ABHD14A: variants seen among roughly 807,000 people sequenced by gnomAD.
ABHD14A encodes the protein abhydrolase domain containing 14A, also known as protein ABHD14A.
In ABHD14A, 19 loss-of-function variants were observed where a neutral mutation model predicts 27.0. The observed-to-expected ratio is 0.70, with a 90% CI of 0.49 to 1.03. The LOEUF is 1.03. ABHD14A is among the 50% of genes least tolerant of loss of function. The probability of loss-of-function intolerance (pLI) is 0.00; values close to 1 mark genes in which losing one functional copy is unlikely to be tolerated. For missense variants in ABHD14A, 311 were observed against 344.6 expected (o/e 0.90, Z 0.77); for synonymous variants, 148 against 158.8 (o/e 0.93, Z 0.51).
chr3:51,978,833 T>A (rs1700847411), intron 3 of ABHD14A: 1 of 228,638 alleles, frequency 4.4e-6, no homozygotes, highest in Non-Finnish European at 9.5e-6. Flanking sequence ...CTCAGGTGAT[T>A]CGCCTGCCTC....
chr3:51,979,183 G>T (rs934139142), intron 3 of ABHD14A, among the ~76,000 whole-genome samples: 1 of 152,140 alleles, frequency 6.6e-6, no homozygotes, highest in Non-Finnish European at 1.5e-5. Flanking sequence ...TGTCTGCTTA[G>T]CACATCCATC....
intron 1 of ABHD14A, among the ~76,000 whole-genome samples, chr3:51,977,513 A>G (rs908185158): frequency 4.0e-5 from 6 of 151,816 alleles, no homozygotes; most frequent in Non-Finnish European, 4.4e-5. Flanking sequence ...TCTGCTCCCC[A>G]GCATTCTTGG....
chr3:51,978,470 T>A, intron 3 of ABHD14A, 96 bp downstream of exon 3: 1 of 805,040 alleles, frequency 1.2e-6, no homozygotes. Flanking sequence ...GGTCACAACA[T>A]AAGGTGGCAC....
In ABHD14A at chr3:51,975,170, T is replaced by TGGGCGG. The variant is rs1553723974; in HGVS notation, c.38_43dup (p.Gly13_Gly14dup). Reference sequence around the variant, plus strand: ...GCGCTGTGCGGCTGCTGGTTCCGCCTGGGCGGGGCCCGCCCGCTCATCCCG... The same window carrying TGGGCGG: ...GCGCTGTGCGGCTGCTGGTTCCGCCTGGGCGGGGGCGGGGCCCGCCCGCTCATCCCG... On this transcript the variant is annotated inframe_insertion, in exon 1 of 5. Transcript: ENST00000273596. The TGGGCGG allele has an allele frequency of 1.1e-4, 143 of 1,282,522 alleles. No homozygotes were observed. The highest frequency in any genetic ancestry group is 3.2e-4 in the Admixed American group (8 of 24,862). 79.4% of individuals were successfully genotyped at this position (1,282,522 alleles called of 1,614,324 possible).
In ABHD14A at chr3:51,980,576, T is replaced by A; in HGVS notation, c.581T>A (p.Ile194Asn). The change falls in exon 4 of 5, where the codon ATC (isoleucine) becomes AAC (asparagine). Residue 194 changes from isoleucine (I) to asparagine (N), a missense_variant. Transcript: ENST00000273596. ...GHHQLHGFVP[I>N]APTSTQNYTQ... ...CACCAGCTACATGGATTTGTGCCCA[T>A]CGCACCCACCTCCACCCAGAACTAC... 1 of 1,608,158 alleles carries A rather than the reference T, an allele frequency of 6.2e-7. No individual in the cohort carries two copies. The highest frequency in any genetic ancestry group is 1.1e-5 in the South Asian group (1 of 90,816).
At position 51,980,528 on chromosome 3, in the gene ABHD14A, T is replaced by TGC. The variant is rs767616415; in HGVS notation, c.534_535dup (p.Pro179ArgfsTer4). ...CCCTCGCTGAGTGGCCACTATGCCC[T>TGC]GCCCTTCCTGATGCGAGGCCACCAC... On this transcript the variant is annotated frameshift_variant, in exon 4 of 5. Coordinates refer to ENST00000273596, the MANE Select transcript of ABHD14A (RefSeq NM_015407.5). LOFTEE classifies it high-confidence loss of function. 9 of 1,614,118 alleles carry TGC rather than the reference T, an allele frequency of 5.6e-6. No individual in the cohort carries two copies. The highest frequency in any genetic ancestry group is 7.6e-6 in the Non-Finnish European group (9 of 1,180,022).
intron 4 of ABHD14A, 46 bp downstream of exon 4, chr3:51,980,674 T>G (rs926256502): frequency 3.5e-5 from 55 of 1,590,804 alleles, no homozygotes; most frequent in Non-Finnish European, 4.4e-5. Flanking sequence ...TGTCTGTGGC[T>G]TGGGGGGGTT....
chr3:51,980,736 G>T (rs1436272211), intron 4 of ABHD14A, 100 bp from the exon 5 acceptor site: 1 of 1,555,194 alleles, frequency 6.4e-7, no homozygotes, highest in Non-Finnish European at 8.8e-7. Flanking sequence ...GACCTTGGAT[G>T]GAAGAGTTGG....
At chr3:51,977,775 C>T in intron 1 of ABHD14A, 96 bp from the exon 2 acceptor site, 1 of 1,192,300 alleles carries the variant, frequency 8.4e-7, no homozygotes, top group East Asian at 2.4e-5. Flanking sequence ...GGAGCTCTTC[C>T]TCTGCTGGGG....
At chr3:51,979,425 T>C (rs1344299507) in intron 3 of ABHD14A, among the ~76,000 whole-genome samples, 2 of 152,060 alleles carry the variant, frequency 1.3e-5, no homozygotes, top group Non-Finnish European at 2.9e-5. Flanking sequence ...CTGAGGACAA[T>C]TGATGGGCCA....
chr3:51,977,828 G>T, intron 1 of ABHD14A, 43 bp from the exon 2 acceptor site: 1 of 1,557,036 alleles, frequency 6.4e-7, no homozygotes. Flanking sequence ...GTCCTTGTAG[G>T]GACTCAGTTC....
At position 51,975,094 on chromosome 3, in the gene ABHD14A, C is replaced by G; in HGVS notation, c.-42C>G. ...CGCGCCGAGATGGCCGCGCTCCTGGCCGCCTAGAGCCGGAGCGGCCCGCGG... is the reference window on the plus strand; with the variant it reads ...CGCGCCGAGATGGCCGCGCTCCTGGGCGCCTAGAGCCGGAGCGGCCCGCGG... On this transcript the variant is annotated 5_prime_UTR_variant, in exon 1 of 5. Transcript: ENST00000273596. The G allele has an allele frequency of 7.8e-7, 1 of 1,276,040 alleles. No homozygotes were observed. 79.0% of individuals were successfully genotyped at this position (1,276,040 alleles called of 1,614,324 possible). A position where few individuals can be genotyped will look rare whatever the true frequency, so the allele number is the denominator to read the frequency against.
At chr3:51,978,949 G>T (rs1360544330) in intron 3 of ABHD14A, 1 of 302,842 alleles carries the variant, frequency 3.3e-6, no homozygotes, top group Non-Finnish European at 7.2e-6. Flanking sequence ...GTACACAAAT[G>T]ATTTATGCTA....
intron 3 of ABHD14A, among the ~76,000 whole-genome samples, chr3:51,980,055 T>C (rs1700881408): frequency 6.6e-6 from 1 of 152,146 alleles, no homozygotes; most frequent in Non-Finnish European, 1.5e-5. Context: ...CCTGCGTAGC[T>C]GGGACTACAG....
rs150753246 is a variant in ABHD14A, at chr3:51,980,400, G to C, written c.405G>C (p.Gly135=). Residue 135 remains glycine, a synonymous_variant, in exon 4 of 5, where the codon GGG becomes GGC. Transcript: ENST00000273596. ...RAVALDLPGF[G]NSAPSKEAST... ...ACCTGCTGCTGTTCCTAGGTTTTGG[G>C]AACTCGGCACCTTCAAAGGAGGCAA... The C allele has an allele frequency of 4.3e-6, 7 of 1,613,928 alleles. No individual in the cohort carries two copies. The African/African-American group carries it at 8.0e-5, about 18-fold the overall frequency.
At position 51,975,203 on chromosome 3, in the gene ABHD14A, C is replaced by T. The variant is rs779857203; in HGVS notation, c.68C>T (p.Pro23Leu). The T allele has an allele frequency of 2.4e-6, 3 of 1,262,578 alleles. No homozygotes were observed. The highest frequency in any genetic ancestry group is 3.0e-6 in the Non-Finnish European group (3 of 1,003,444). The allele number at this position is 1,262,578 out of a possible 1,614,324, so 78.2% of individuals were successfully genotyped here. The change falls in exon 1 of 5, where the codon CCG becomes CTG. Residue 23 changes from proline (P) to leucine (L), a missense_variant and splice_region_variant. By Grantham distance (98) the Pro-to-Leu change is moderately conservative. Coordinates refer to ENST00000273596, the MANE Select transcript of ABHD14A (RefSeq NM_015407.5). Reference sequence around the variant, plus strand: ...GCCCGCCCGCTCATCCCGTTGGGCCCGGTGAGTCTCCCGGGGGAGGGAGGC... The same window carrying T: ...GCCCGCCCGCTCATCCCGTTGGGCCTGGTGAGTCTCCCGGGGGAGGGAGGC... Reference protein sequence around the residue: ...GGARPLIPLGPTVVQTSMSRS... With the variant: ...GGARPLIPLGLTVVQTSMSRS...
chr3:51,975,340 C>T (rs1032568525), intron 1 of ABHD14A, 136 bp downstream of exon 1: 6 of 820,548 alleles, frequency 7.3e-6, no homozygotes, highest in Non-Finnish European at 8.1e-6. Context: ...CATGTGCGCG[C>T]GTGTAATGTG....
Position 51,981,076 on chromosome 3 carries a change from C to G in ABHD14A, c.*58C>G. ...AGCTTGGACAGTCTGGACCGCCACC[C>G]TCCCTGAACCAGGGAGACAGCCTCT... is the stretch of plus-strand genomic sequence containing the variant. On this transcript the variant is annotated 3_prime_UTR_variant, in exon 5 of 5. Coordinates refer to ENST00000273596, the MANE Select transcript of ABHD14A (RefSeq NM_015407.5). The G allele has an allele frequency of 6.4e-7, 1 of 1,559,714 alleles. No homozygotes were observed. The highest frequency in any genetic ancestry group is 8.8e-7 in the Non-Finnish European group (1 of 1,141,502).
intron 3 of ABHD14A, chr3:51,978,847 C>T: frequency 4.2e-6 from 1 of 237,316 alleles, no homozygotes; most frequent in South Asian, 3.7e-5. Context: ...CTGCCTCGGC[C>T]TCCCCAAGTG....
Sources: allele counts gnomAD v4.1 joint callset (sites outside exome capture counted in the v4.1 genomes callset), GRCh38; gene constraint gnomAD v4.1.1; transcripts MANE v1.5; gene names NCBI Gene and HGNC (gene_info 2026-07-23, HGNC 2026-07-21).